The following GPRIN2 variants were observed in gnomAD, a reference collection of about 807,000 sequenced individuals.
The protein encoded by GPRIN2 is G protein regulated inducer of neurite outgrowth 2, also known as G protein-regulated inducer of neurite outgrowth 2.
In GPRIN2, 1 loss-of-function variant was observed where a neutral mutation model predicts 0.3. The observed-to-expected ratio is 3.90, with a 90% CI of 1.39 to 18.51. The LOEUF is 18.51. Among genes scored for constraint, GPRIN2 ranks in the 30% most tolerant of loss-of-function variants. The pLI is 0.11. For missense variants in GPRIN2, 880 were observed against 604.2 expected, an observed-to-expected ratio of 1.46 and a Z score of -4.79; for synonymous variants, 361 against 258.6, an observed-to-expected ratio of 1.40 and a Z score of -3.80.
rs1832559310 is a variant in GPRIN2 at position 46,549,894 on chromosome 10, C to A, written c.843G>T (p.Arg281Ser). 6.2e-5 allele frequency: 100 copies of A among 1,613,866 alleles called. No individual in the cohort carries two copies. Among genetic ancestry groups the A allele is most frequent in the Non-Finnish European group, 7.5e-5 (88 of 1,179,694 alleles). Residue 281 changes from arginine to serine, a missense_variant, in exon 3 of 3, where the codon AGG becomes AGT. Physicochemically the swap from Arg to Ser is moderately radical, Grantham distance 110. Coordinates refer to ENST00000374314, the MANE Select transcript of GPRIN2 (RefSeq NM_001385282.1). ...QAQHGVKIHC[R>S]LSGGLPGHSH... ...AATGCCCAGGGAGCCCCCCAGACAA[C>A]CTACAGTGGATCTTCACCCCATGCT...
At chr10:46,551,392 TC>T in intron 2 of GPRIN2, 1 of 985,494 alleles carries the variant, frequency 1.0e-6, no homozygotes, top group Non-Finnish European at 1.2e-6. Flanking sequence ...AGCTGGCATG[TC>T]TCTGGGGTTC....
rs1842027135 is a variant in GPRIN2, at chr10:46,544,959, T to C, written c.*4401A>G. On this transcript the variant is annotated 3_prime_UTR_variant, in exon 3 of 3. Transcript: ENST00000374314. ...TACCAGCCCTGCCCTGCCTGACAAG[T>C]TGGATGAAAACTGATAAAGGACTTG... is the stretch of plus-strand genomic sequence containing the variant. 1.3e-5 allele frequency among the ~76,000 whole-genome samples: 2 copies of C among 152,420 alleles called. No homozygotes were observed. The highest frequency in any genetic ancestry group is 1.3e-4 in the Admixed American group (2 of 15,314).
At position 46,550,285 on chromosome 10, in the gene GPRIN2, A is replaced by G. The variant is rs781898282; in HGVS notation, c.452T>C (p.Val151Ala). 1 of 1,612,892 alleles carries G rather than the reference A, an allele frequency of 6.2e-7. No homozygotes were observed. Among genetic ancestry groups the G allele is most frequent in the Non-Finnish European group, 8.5e-7 (1 of 1,179,826 alleles). ...ACCTGGCTGCAGCTGAGCCCTGTGG[A>G]CAGGGCTGCTGCCAAGGGCTGAGCA... Reference protein sequence around the residue: ...LSCSALGSSPVHRAQLQPGGT... With the variant: ...LSCSALGSSPAHRAQLQPGGT... The change falls in exon 3 of 3, where the codon GTC (valine) becomes GCC (alanine). Residue 151 changes from valine (V) to alanine (A), a missense_variant. Physicochemically the swap from Val to Ala is moderately conservative, Grantham distance 64. Coordinates refer to ENST00000374314, the MANE Select transcript of GPRIN2 (RefSeq NM_001385282.1).
chr10:46,548,250 A>G lies in GPRIN2; in HGVS notation c.*1110T>C, dbSNP rs1842346313. Among the ~76,000 whole-genome samples, 1 of 145,484 alleles carries G rather than the reference A, an allele frequency of 6.9e-6. No homozygotes were observed. Among genetic ancestry groups the G allele is most frequent in the Non-Finnish European group, 1.5e-5 (1 of 65,926 alleles). The stretch of plus-strand genomic sequence containing the variant: ...ATGAAGTCAGACTGTGCCAAAGCCC[A>G]TGTTTCTGTCTCTCCAAGGCCCCTG... On this transcript the variant is annotated 3_prime_UTR_variant, in exon 3 of 3. Coordinates refer to ENST00000374314, the MANE Select transcript of GPRIN2 (RefSeq NM_001385282.1).
chr10:46,554,852 C>A (rs547477312), intron 1 of GPRIN2, among the ~76,000 whole-genome samples, 157 bp from the exon 2 acceptor site: 1 of 152,418 alleles, frequency 6.6e-6, no homozygotes. Context: ...GGAGCCCAGG[C>A]CTTTGGGATA....
At position 46,549,116 on chromosome 10, in the gene GPRIN2, CAAAG is replaced by C; in HGVS notation, c.*240_*243del. On this transcript the variant is annotated 3_prime_UTR_variant, in exon 3 of 3. Coordinates refer to ENST00000374314, the MANE Select transcript of GPRIN2 (RefSeq NM_001385282.1). ...TCTGCACAGTGCTAAAGCCCTGTCT[CAAAG>C]TTCAGAGCCCGGAAGGTGCAGAGAT... 1 of 495,028 alleles carries C rather than the reference CAAAG, an allele frequency of 2.0e-6. No homozygotes were observed. The highest frequency in any genetic ancestry group is 3.5e-6 in the Non-Finnish European group (1 of 283,690). 30.7% of individuals were successfully genotyped at this position (495,028 alleles called of 1,614,324 possible). A position where few individuals can be genotyped will look rare whatever the true frequency, so the allele number is the denominator to read the frequency against.
At chr10:46,556,739 C>A (rs1843286540), upstream of GPRIN2, among the ~76,000 whole-genome samples, 1 of 152,236 alleles carries the variant, frequency 6.6e-6, no homozygotes, top group Non-Finnish European at 1.5e-5. Flanking sequence ...GGGCCCGTGC[C>A]ACTCTGGAGC....
Position 46,547,717 on chromosome 10 carries a change from G to A in GPRIN2, c.*1643C>T, listed in dbSNP as rs1832837480. On this transcript the variant is annotated 3_prime_UTR_variant, in exon 3 of 3. Transcript: ENST00000374314. ...CCATGGGGAGCCAGGCATGAAGATGGCATATACCCATGTGTCACTCCCCAG... is the reference window on the plus strand; with the variant it reads ...CCATGGGGAGCCAGGCATGAAGATGACATATACCCATGTGTCACTCCCCAG... Among the ~76,000 whole-genome samples the A allele has an allele frequency of 2.6e-5, 4 of 152,430 alleles. No homozygotes were observed. The South Asian group carries it at 6.2e-4, about 24-fold the overall frequency.
At position 46,544,025 on chromosome 10, in the gene GPRIN2, G is replaced by A. The variant is rs1841944982; in HGVS notation, c.*5335C>T. Among the ~76,000 whole-genome samples the A allele has an allele frequency of 6.6e-6, 1 of 152,262 alleles. No homozygotes were observed. On this transcript the variant is annotated 3_prime_UTR_variant, in exon 3 of 3. Coordinates refer to ENST00000374314, the MANE Select transcript of GPRIN2 (RefSeq NM_001385282.1). ...TCTTCTGCTTTATTATTCCCGTGTA[G>A]CCACAGCAACAGAACTGGCCCCATG...
rs1454372029 is a variant in GPRIN2 at position 46,548,625 on chromosome 10, C to T, written c.*735G>A. 1.3e-5 allele frequency among the ~76,000 whole-genome samples: 2 copies of T among 152,306 alleles called. No homozygotes were observed. The highest frequency in any genetic ancestry group is 2.9e-5 in the Non-Finnish European group (2 of 68,056). The stretch of plus-strand genomic sequence containing the variant: ...ACCATGAGCTCAGCCAGGGCAGGGG[C>T]AGCCTCTGTCTCATTCACCACAGAA... On this transcript the variant is annotated 3_prime_UTR_variant, in exon 3 of 3. Coordinates refer to ENST00000374314, the MANE Select transcript of GPRIN2 (RefSeq NM_001385282.1).
Position 46,549,111 on chromosome 10 carries a change from T to C in GPRIN2, c.*249A>G. 1 of 486,648 alleles carries C rather than the reference T, an allele frequency of 2.1e-6. No individual in the cohort carries two copies. Among genetic ancestry groups the C allele is most frequent in the Non-Finnish European group, 3.6e-6 (1 of 276,412 alleles). 30.1% of individuals were successfully genotyped at this position (486,648 alleles called of 1,614,324 possible). On this transcript the variant is annotated 3_prime_UTR_variant, in exon 3 of 3. Transcript: ENST00000374314. Reference sequence around the variant, plus strand: ...TCCCCTCTGCACAGTGCTAAAGCCCTGTCTCAAAGTTCAGAGCCCGGAAGG... The same window carrying C: ...TCCCCTCTGCACAGTGCTAAAGCCCCGTCTCAAAGTTCAGAGCCCGGAAGG...
rs1221819792 is a variant in GPRIN2 at position 46,547,568 on chromosome 10, G to A, written c.*1792C>T. Among the ~76,000 whole-genome samples the A allele has an allele frequency of 6.6e-6, 1 of 150,770 alleles. No individual in the cohort carries two copies. Among genetic ancestry groups the A allele is most frequent in the East Asian group, 1.9e-4 (1 of 5,196 alleles). On this transcript the variant is annotated 3_prime_UTR_variant, in exon 3 of 3. Coordinates refer to ENST00000374314, the MANE Select transcript of GPRIN2 (RefSeq NM_001385282.1). ...GGTCCTGCCCTCTCTCCACCCACCTGTCTAACCCCTGCATCCTCAAGACCC... is the reference window on the plus strand; with the variant it reads ...GGTCCTGCCCTCTCTCCACCCACCTATCTAACCCCTGCATCCTCAAGACCC...
rs1832266814 is a variant in GPRIN2 at position 46,550,715 on chromosome 10, G to C, written c.22C>G (p.Pro8Ala). 1.3e-6 allele frequency: 2 copies of C among 1,508,748 alleles called. No homozygotes were observed. Among genetic ancestry groups the C allele is most frequent in the Non-Finnish European group, 1.8e-6 (2 of 1,131,000 alleles). The allele number at this position is 1,508,748 out of a possible 1,614,324, so 93.5% of individuals were successfully genotyped here. Reference sequence around the variant, plus strand: ...GGGCTCAGGGGTGCCCAGGGACCCGGCTCGGGGCGGCTGGAGCTCATGGCT... The same window carrying C: ...GGGCTCAGGGGTGCCCAGGGACCCGCCTCGGGGCGGCTGGAGCTCATGGCT... MSSSRPE[P>A]GPWAPLSPRL... is the part of the protein sequence containing the mutation. The change falls in exon 3 of 3, where the codon CCG becomes GCG. Residue 8 changes from proline to alanine, a missense_variant. Transcript: ENST00000374314.
rs1405936819 is a variant in GPRIN2, at chr10:46,544,233, C to T, written c.*5127G>A. 1.3e-5 allele frequency among the ~76,000 whole-genome samples: 2 copies of T among 152,424 alleles called. No homozygotes were observed. The highest frequency in any genetic ancestry group is 4.8e-5 in the African/African-American group (2 of 41,608). On this transcript the variant is annotated 3_prime_UTR_variant, in exon 3 of 3. Transcript: ENST00000374314. ...GGAGCCCGGGTGTGCCAGAAACAGC[C>T]TTTCATAATACAAGATGGACAGGAA...
rs1422007260 is a variant in GPRIN2 at position 46,548,484 on chromosome 10, T to C, written c.*876A>G. Among the ~76,000 whole-genome samples, 1 of 152,310 alleles carries C rather than the reference T, an allele frequency of 6.6e-6. No individual in the cohort carries two copies. Among genetic ancestry groups the C allele is most frequent in the South Asian group, 2.1e-4 (1 of 4,838 alleles). On this transcript the variant is annotated 3_prime_UTR_variant, in exon 3 of 3. Transcript: ENST00000374314. ...CAATTTTAGGCTTTGTAACTGAGAT[T>C]AGGGCAGGTGGCCACCCATTCTCCC...
At chr10:46,551,547 A>G (rs1842610547) in intron 2 of GPRIN2, 4 of 975,944 alleles carry the variant, frequency 4.1e-6, no homozygotes, top group South Asian at 4.7e-5. Flanking sequence ...GCTAGGGAAC[A>G]TGGGATTCAT....
rs1334257918 is a variant in GPRIN2 at position 46,549,821 on chromosome 10, G to A, written c.916C>T (p.Pro306Ser). The A allele has an allele frequency of 3.7e-6, 6 of 1,614,090 alleles. No homozygotes were observed. Among genetic ancestry groups the A allele is most frequent in the Non-Finnish European group, 5.1e-6 (6 of 1,180,062 alleles). The part of the protein sequence containing the change: ...LWGPAGLVPE[P>S]GSRTKDVWTM... ...CACACATCTTTGGTCCTAGAGCCAG[G>A]CTCTGGGACTAACCCAGCGGGACCC... The change falls in exon 3 of 3, where the codon CCT becomes TCT. Residue 306 changes from proline to serine, a missense_variant. Physicochemically the swap from Pro to Ser is moderately conservative, Grantham distance 74. Transcript: ENST00000374314.
At chr10:46,557,588 A>G (rs1843373014), upstream of GPRIN2, among the ~76,000 whole-genome samples, 1 of 152,310 alleles carries the variant, frequency 6.6e-6, no homozygotes, top group Non-Finnish European at 1.5e-5. Flanking sequence ...AATTCCCCGC[A>G]GCACCACAGC....
At position 46,546,796 on chromosome 10, in the gene GPRIN2, A is replaced by T. The variant is rs1280086968; in HGVS notation, c.*2564T>A. Among the ~76,000 whole-genome samples, 1 of 152,312 alleles carries T rather than the reference A, an allele frequency of 6.6e-6. No homozygotes were observed. Among genetic ancestry groups the T allele is most frequent in the Non-Finnish European group, 1.5e-5 (1 of 68,058 alleles). ...GCAGCTGTGCAACTGGGCTAGGGAG[A>T]CAAGGATCGTGGTTTAGCCAGGAGA... On this transcript the variant is annotated 3_prime_UTR_variant, in exon 3 of 3. Transcript: ENST00000374314.
Sources: gnomAD v4.1 joint callset for allele counts (sites outside exome capture counted in the v4.1 genomes callset) on GRCh38, gnomAD v4.1.1 for gene constraint, MANE v1.5 for transcripts, NCBI Gene and HGNC (gene_info 2026-07-23, HGNC 2026-07-21) for gene names.